The following DPF3 variants were observed in gnomAD, a reference collection of about 807,000 sequenced individuals.
The protein encoded by DPF3 is zinc finger protein DPF3.
A neutral mutation model predicts 56.8 loss-of-function variants in DPF3; 18 were observed. The observed-to-expected ratio is 0.32, with a 90% CI of 0.22 to 0.47. The LOEUF (loss-of-function observed/expected upper bound fraction) is 0.47, where lower values mean the gene tolerates loss of function less well. DPF3 is among the 20% of genes least tolerant of loss of function. The pLI is 1.00. For missense variants in DPF3, 403 were observed against 488.8 expected, an observed-to-expected ratio of 0.82 and a Z score of 1.65; for synonymous variants, 188 against 180.2, an observed-to-expected ratio of 1.04 and a Z score of -0.35.
intron 2 of DPF3, among the ~76,000 whole-genome samples, chr14:72,757,610 G>T (rs1890890822): frequency 6.6e-6 from 1 of 151,960 alleles, no homozygotes; most frequent in Non-Finnish European, 1.5e-5. Context: ...AATAGAAAAT[G>T]ACAATACAAC....
chr14:72,879,253 T>G (rs1886231590), intron 1 of DPF3, among the ~76,000 whole-genome samples: 1 of 151,938 alleles, frequency 6.6e-6, no homozygotes, highest in African/African-American at 2.4e-5. Context: ...TATGGTGGTG[T>G]GCACCTATTG....
At chr14:72,790,199 C>T (rs1892372451) in intron 1 of DPF3, among the ~76,000 whole-genome samples, 1 of 152,102 alleles carries the variant, frequency 6.6e-6, no homozygotes, top group African/African-American at 2.4e-5. Flanking sequence ...CCAGCCTGGT[C>T]AACAAAGCGA....
intron 7 of DPF3, among the ~76,000 whole-genome samples, chr14:72,683,893 C>T (rs1704273990): frequency 6.6e-6 from 1 of 152,136 alleles, no homozygotes; most frequent in Admixed American, 6.5e-5. Flanking sequence ...TGTAGCTGGG[C>T]AAACCTGGAC....
chr14:72,669,099 T>C (rs1297653888), intron 8 of DPF3, among the ~76,000 whole-genome samples: 8 of 152,246 alleles, frequency 5.3e-5, no homozygotes, highest in East Asian at 1.9e-4. Flanking sequence ...GGCGATCACA[T>C]ACACATCTCA....
intron 1 of DPF3, among the ~76,000 whole-genome samples, chr14:72,785,065 C>T (rs1372130890): frequency 6.6e-6 from 1 of 151,936 alleles, no homozygotes; most frequent in East Asian, 1.9e-4. Flanking sequence ...GCAGGAGAAT[C>T]ACTTGAGGCC....
chr14:72,676,757 G>T (rs955088637), intron 7 of DPF3, among the ~76,000 whole-genome samples: 1 of 152,188 alleles, frequency 6.6e-6, no homozygotes, highest in Non-Finnish European at 1.5e-5. Flanking sequence ...CCGTGATTGT[G>T]AGGCCTCCCC....
At chr14:72,667,589 T>TC (rs1256641449) in intron 8 of DPF3, among the ~76,000 whole-genome samples, 42 of 152,224 alleles carry the variant, frequency 2.8e-4, no homozygotes, top group African/African-American at 1.0e-3. Context: ...GTGTTGACTG[T>TC]TCACACAGCT....
At chr14:72,732,654 C>CTG (rs1889710582) in intron 3 of DPF3, among the ~76,000 whole-genome samples, 1 of 152,162 alleles carries the variant, frequency 6.6e-6, no homozygotes, top group Admixed American at 6.5e-5. Flanking sequence ...GTTTGATCAG[C>CTG]TACCTGGGGC....
At chr14:72,757,304 G>A (rs1028719426) in intron 2 of DPF3, among the ~76,000 whole-genome samples, 3 of 152,126 alleles carry the variant, frequency 2.0e-5, no homozygotes, top group Non-Finnish European at 4.4e-5. Context: ...CCTTTCAATG[G>A]AGAATTTATT....
intron 1 of DPF3, among the ~76,000 whole-genome samples, chr14:72,802,552 T>A (rs918691284): frequency 3.9e-5 from 6 of 152,148 alleles, no homozygotes; most frequent in Non-Finnish European, 7.4e-5. Context: ...CAGCCCCTCC[T>A]GTGAGCACAT....
chr14:72,810,633 C>T (rs1883002483), intron 1 of DPF3, among the ~76,000 whole-genome samples: 1 of 152,048 alleles, frequency 6.6e-6, no homozygotes, highest in South Asian at 2.1e-4. Context: ...AAACAAAGAT[C>T]TGCCTCCAAA....
At position 72,854,634 on chromosome 14, in the gene DPF3, T is replaced by A. The variant is rs568405280; in HGVS notation, c.32+39423A>T. Among the ~76,000 whole-genome samples, 6 of 152,350 alleles carry A rather than the reference T, an allele frequency of 3.9e-5. No individual in the cohort carries two copies. In the South Asian group the frequency reaches 1.2e-3, roughly 32 times the overall value. On this transcript the variant is annotated intron_variant, in intron 1 of 10. Transcript: ENST00000556509. ...GCTGTTTTTCTCATGAATATAGCTATAGTTGTCATCAGCAAATCAGTGGCT... is the reference window on the plus strand; with the variant it reads ...GCTGTTTTTCTCATGAATATAGCTAAAGTTGTCATCAGCAAATCAGTGGCT...
intron 1 of DPF3, among the ~76,000 whole-genome samples, chr14:72,849,484 G>A (rs1884887382): frequency 6.6e-6 from 1 of 152,158 alleles, no homozygotes; most frequent in Admixed American, 6.6e-5. Flanking sequence ...ATCCCCCGGG[G>A]CCGCCTTCCT....
Position 72,616,109 on chromosome 14 carries a change from A to G in DPF3, c.*3188T>C, listed in dbSNP as rs1884071848. On this transcript the variant is annotated 3_prime_UTR_variant, in exon 11 of 11. Coordinates refer to ENST00000556509, the MANE Select transcript of DPF3 (RefSeq NM_001280542.3). ...CAGACCCGGGCCAGGATCTTTACCA[A>G]TGTCACCTTGAATACCTGCAAAGAC... Among the ~76,000 whole-genome samples the G allele has an allele frequency of 6.6e-6, 1 of 152,128 alleles. No individual in the cohort carries two copies.
At chr14:72,881,654 A>G (rs989307784) in intron 1 of DPF3, among the ~76,000 whole-genome samples, 1 of 152,224 alleles carries the variant, frequency 6.6e-6, no homozygotes, top group African/African-American at 2.4e-5. Context: ...TAAAATCATT[A>G]AAGGGCTGCT....
intron 1 of DPF3, among the ~76,000 whole-genome samples, chr14:72,853,032 T>A (rs1419283612): frequency 6.9e-6 from 1 of 144,062 alleles, no homozygotes; most frequent in African/African-American, 2.5e-5. Flanking sequence ...GCCATAGCCT[T>A]GCGTGTGTGT....
At chr14:72,698,802 G>C (rs529647695) in intron 6 of DPF3, among the ~76,000 whole-genome samples, 1 of 152,230 alleles carries the variant, frequency 6.6e-6, no homozygotes, top group Non-Finnish European at 1.5e-5. Context: ...CCAGGACATA[G>C]CACTACCATA....
chr14:72,661,854 C>CTTTTTTT (rs60114618), intron 8 of DPF3: 6 of 925,870 alleles, frequency 6.5e-6, no homozygotes, highest in Admixed American at 8.1e-5. Context: ...TTTATTTTTG[C>CTTTTTTT]TTTTTTTTTT....
chr14:72,841,872 T>C (rs1884555458), intron 1 of DPF3, among the ~76,000 whole-genome samples: 1 of 152,076 alleles, frequency 6.6e-6, no homozygotes, highest in Non-Finnish European at 1.5e-5. Flanking sequence ...TGCTTGAGGC[T>C]GGGAGTTTGA....
Sources: allele counts gnomAD v4.1 joint callset (sites outside exome capture counted in the v4.1 genomes callset), GRCh38; gene constraint gnomAD v4.1.1; transcripts MANE v1.5; gene names NCBI Gene and HGNC (gene_info 2026-07-23, HGNC 2026-07-21).